FOXP1: variants seen among roughly 807,000 people sequenced by gnomAD.
FOXP1 encodes forkhead box protein P1.
In FOXP1, 15 loss-of-function variants were observed where a neutral mutation model predicts 98.2. That is an observed-to-expected ratio of 0.15 (90% confidence interval 0.10 to 0.24). The LOEUF (loss-of-function observed/expected upper bound fraction) is 0.24. Ranked by LOEUF, FOXP1 falls within the 10% of genes least tolerant of loss-of-function variation. FOXP1 has a pLI of 1.00. For synonymous variants in FOXP1, 371 were observed against 314.5 expected (o/e 1.18, Z -1.90); for missense variants, 633 against 848.5 (o/e 0.75, Z 3.15).
intron 5 of FOXP1, among the ~76,000 whole-genome samples, chr3:71,223,221 C>T (rs1188358576): frequency 2.0e-5 from 3 of 152,182 alleles, no homozygotes; most frequent in African/African-American, 7.2e-5. Context: ...GACTTCTTTC[C>T]TGCTTCCTCC....
At chr3:71,372,075 C>T (rs942728890) in intron 3 of FOXP1, among the ~76,000 whole-genome samples, 3 of 151,348 alleles carry the variant, frequency 2.0e-5, no homozygotes, top group Non-Finnish European at 2.9e-5. Context: ...TGCAGTGGCA[C>T]GATCTCAGCT....
intron 5 of FOXP1, among the ~76,000 whole-genome samples, chr3:71,214,056 G>C (rs2064720545): frequency 6.6e-6 from 1 of 151,988 alleles, no homozygotes; most frequent in South Asian, 2.1e-4. Context: ...CTTGGAATCT[G>C]AGAAACAGCC....
chr3:71,419,150 A>T (rs2083435112), intron 3 of FOXP1, among the ~76,000 whole-genome samples: 1 of 146,630 alleles, frequency 6.8e-6, no homozygotes, highest in Non-Finnish European at 1.5e-5. Flanking sequence ...CAGAAGAATC[A>T]CTTTAAACTG....
chr3:71,427,224 C>G (rs1405014605), intron 3 of FOXP1, among the ~76,000 whole-genome samples: 2 of 151,938 alleles, frequency 1.3e-5, no homozygotes, highest in East Asian at 1.9e-4. Flanking sequence ...TAATATGTAG[C>G]CCAGGGTCTG....
rs746384922 is a variant in FOXP1 at position 71,370,958 on chromosome 3, C to T, written c.-167-11714G>A. Reference sequence around the variant, plus strand: ...CTGGGACTACAGGCACACGCCACGACGCCCAGCTAATTTTTTTAGTAGACG... The same window carrying T: ...CTGGGACTACAGGCACACGCCACGATGCCCAGCTAATTTTTTTAGTAGACG... On this transcript the variant is annotated intron_variant, in intron 3 of 20. Transcript: ENST00000649528. 5.3e-5 allele frequency among the ~76,000 whole-genome samples: 8 copies of T among 151,978 alleles called. No individual in the cohort carries two copies. In the South Asian group the frequency reaches 8.3e-4, roughly 16 times the overall value.
chr3:71,232,102 G>C (rs1471465512), intron 5 of FOXP1, among the ~76,000 whole-genome samples: 1 of 152,180 alleles, frequency 6.6e-6, no homozygotes, highest in East Asian at 1.9e-4. Context: ...TGTTTAAAAA[G>C]CTCATTTGGA....
intron 4 of FOXP1, among the ~76,000 whole-genome samples, chr3:71,343,140 C>T (rs1463103138): frequency 6.6e-6 from 1 of 152,208 alleles, no homozygotes; most frequent in Non-Finnish European, 1.5e-5. Context: ...TTCCAGTTTG[C>T]TCTGACACTT....
intron 3 of FOXP1, among the ~76,000 whole-genome samples, chr3:71,446,355 G>A (rs1221949810): frequency 6.6e-6 from 1 of 152,068 alleles, no homozygotes; most frequent in African/African-American, 2.4e-5. Flanking sequence ...AAACAGGGAG[G>A]GTAATAAGCA....
chr3:71,022,523 T>C (rs904729249), intron 11 of FOXP1, among the ~76,000 whole-genome samples: 1 of 152,202 alleles, frequency 6.6e-6, no homozygotes, highest in African/African-American at 2.4e-5. Flanking sequence ...TGTTGATCCT[T>C]TGTGTACTGA....
intron 2 of FOXP1, among the ~76,000 whole-genome samples, chr3:71,527,151 C>G (rs2043455771): frequency 6.6e-6 from 1 of 152,140 alleles, no homozygotes; most frequent in African/African-American, 2.4e-5. Context: ...TACTTGCCCC[C>G]TCAGCCAGGC....
At chr3:71,296,497 C>T (rs1474428265) in intron 5 of FOXP1, 3 of 152,026 alleles carry the variant, frequency 2.0e-5, no homozygotes, top group Non-Finnish European at 4.4e-5. Flanking sequence ...GATCTTTCAC[C>T]TTGTTCAAAG....
rs2032569710 is a variant in FOXP1, at chr3:70,959,167, A to AT, written c.*79dup. On this transcript the variant is annotated 3_prime_UTR_variant, in exon 21 of 21. Transcript: ENST00000649528. ...CAGACTGTACAACAAATGGAGAACA[A>AT]TTTCACTGCTAACTTTTGACGTGTT... 1 of 1,533,668 alleles carries AT rather than the reference A, an allele frequency of 6.5e-7. No homozygotes were observed. Among genetic ancestry groups the AT allele is most frequent in the Non-Finnish European group, 9.0e-7 (1 of 1,111,812 alleles).
intron 11 of FOXP1, among the ~76,000 whole-genome samples, chr3:71,035,879 A>C (rs1648948594): frequency 6.6e-6 from 1 of 152,194 alleles, no homozygotes; most frequent in Admixed American, 6.5e-5. Flanking sequence ...CACCAGTTAA[A>C]GGCTTGTGTA....
At chr3:71,183,921 G>A (rs1405218843) in intron 6 of FOXP1, among the ~76,000 whole-genome samples, 1 of 152,152 alleles carries the variant, frequency 6.6e-6, no homozygotes, top group Non-Finnish European at 1.5e-5. Flanking sequence ...GGGAGGCCGA[G>A]GTGGGAAGAT....
chr3:71,430,537 G>T (rs145287808), intron 3 of FOXP1, among the ~76,000 whole-genome samples: 129 of 151,222 alleles, frequency 8.5e-4, no homozygotes, highest in African/African-American at 2.9e-3. Flanking sequence ...GGAGTCATCC[G>T]CATGTTACTT....
chr3:71,406,805 G>T (rs1367312393), intron 3 of FOXP1, among the ~76,000 whole-genome samples: 1 of 152,048 alleles, frequency 6.6e-6, no homozygotes, highest in Admixed American at 6.5e-5. Context: ...AGGCAAAAAT[G>T]ACACATTCTG....
At chr3:71,365,850 G>A (rs1044050217) in intron 3 of FOXP1, among the ~76,000 whole-genome samples, 5 of 152,274 alleles carry the variant, frequency 3.3e-5, no homozygotes, top group Non-Finnish European at 7.4e-5. Flanking sequence ...GAGCGTGGTG[G>A]CGTGTGCCTC....
intron 3 of FOXP1, among the ~76,000 whole-genome samples, chr3:71,459,518 A>T (rs1337445320): frequency 6.6e-6 from 1 of 152,170 alleles, no homozygotes; most frequent in African/African-American, 2.4e-5. Context: ...CTTTTTTTCT[A>T]TTCAGTTAAT....
intron 17 of FOXP1, among the ~76,000 whole-genome samples, chr3:70,973,238 G>A (rs866940215): frequency 8.1e-6 from 1 of 124,158 alleles, no homozygotes; most frequent in Non-Finnish European, 1.7e-5. Flanking sequence ...CGGACCCCCC[G>A]CCCCCGCCCC....
Sources: gnomAD v4.1 joint callset for allele counts (sites outside exome capture counted in the v4.1 genomes callset) on GRCh38, gnomAD v4.1.1 for gene constraint, MANE v1.5 for transcripts, NCBI Gene and HGNC (gene_info 2026-07-23, HGNC 2026-07-21) for gene names.